PAQR3: variants seen among roughly 807,000 people sequenced by gnomAD.
The protein encoded by PAQR3 is progestin and adipoQ receptor family member 3.
In PAQR3, 39 loss-of-function variants were observed where a neutral mutation model predicts 41.7. That is an observed-to-expected ratio of 0.93 (90% CI 0.72 to 1.22). The LOEUF is 1.22. Ranked by LOEUF, PAQR3 falls within the 50% of genes most tolerant of loss-of-function variation. The probability of loss-of-function intolerance (pLI) is 0.00; values close to 1 mark genes in which losing one functional copy is unlikely to be tolerated. For synonymous variants in PAQR3, 140 were observed against 140.6 expected (o/e 1.00, Z 0.03); for missense variants, 366 against 385.6 (o/e 0.95, Z 0.42).
chr4:78,933,867 A>AG (rs932494958), intron 2 of PAQR3, among the ~76,000 whole-genome samples: 1 of 152,232 alleles, frequency 6.6e-6, no homozygotes, highest in African/African-American at 2.4e-5. Context: ...GAATAGGCCT[A>AG]GGGATGGAGG....
chr4:78,909,055 CTTTTT>C (rs1053664659), downstream of PAQR3, among the ~76,000 whole-genome samples: 2 of 94,394 alleles, frequency 2.1e-5, no homozygotes, highest in Non-Finnish European at 3.9e-5. Context: ...TTCCCTTAGT[CTTTTT>C]TTTTTTTTTT....
At chr4:78,926,480 G>GAA (rs762890211) in intron 4 of PAQR3, 41 bp downstream of exon 4, 52 of 1,123,734 alleles carry the variant, frequency 4.6e-5, no homozygotes, top group Non-Finnish European at 5.2e-5. Context: ...AAATTGAAAG[G>GAA]AAAAAAAAAA....
chr4:78,897,183 A>C (rs1192902805), intron 11 of PAQR3, among the ~76,000 whole-genome samples: 5 of 145,454 alleles, frequency 3.4e-5, no homozygotes, highest in Non-Finnish European at 7.4e-5. Flanking sequence ...CAGCTTAAGA[A>C]AATGTTTTTT....
intron 11 of PAQR3, among the ~76,000 whole-genome samples, chr4:78,902,794 A>C: frequency 6.6e-6 from 1 of 152,162 alleles, no homozygotes; most frequent in Non-Finnish European, 1.5e-5. Flanking sequence ...TAATATGCAT[A>C]GTATGATGCA....
downstream of PAQR3, chr4:78,910,706 A>T: frequency 6.2e-7 from 1 of 1,613,142 alleles, no homozygotes; most frequent in Non-Finnish European, 8.5e-7. Context: ...GCATCTAAAG[A>T]TCAGCGGACT....
In PAQR3 at chr4:78,926,590, C is replaced by T. The variant is rs371480289; in HGVS notation, c.633G>A (p.Ser211=). ...GAAGAGTAGGAATCACTCCATATCC[C>T]GAAACAGAACAAAAGATGATAGAAC... is the stretch of plus-strand genomic sequence containing the variant. ...RLRSIIFCSV[S]GYGVIPTLHW... The change falls in exon 4 of 6, where the codon TCG becomes TCA. Residue 211 remains serine (S), a synonymous_variant. Transcript: ENST00000512733. 1 of 1,613,804 alleles carries T rather than the reference C, an allele frequency of 6.2e-7. No individual in the cohort carries two copies. Among genetic ancestry groups the T allele is most frequent in the African/African-American group, 1.3e-5 (1 of 74,876 alleles).
intron 1 of PAQR3, among the ~76,000 whole-genome samples, chr4:78,938,758 C>A (rs761721353): frequency 2.0e-5 from 3 of 151,886 alleles, no homozygotes; most frequent in Non-Finnish European, 4.4e-5. Context: ...ATGAGCCGAA[C>A]AAACCGAATA....
exon 13 of PAQR3, chr4:78,887,249 A>T (rs1162798588): frequency 6.2e-7 from 1 of 1,610,950 alleles, no homozygotes; most frequent in South Asian, 1.1e-5. Flanking sequence ...CCTCCAGAAG[A>T]TCCTTTTGGT....
chr4:78,896,201 G>C (rs998222576), intron 11 of PAQR3, among the ~76,000 whole-genome samples: 1 of 152,142 alleles, frequency 6.6e-6, no homozygotes, highest in Non-Finnish European at 1.5e-5. Context: ...TACTGTCACT[G>C]CCAGAGATGG....
intron 3 of PAQR3, among the ~76,000 whole-genome samples, chr4:78,928,102 T>G (rs553555534): frequency 1.4e-4 from 21 of 152,340 alleles, no homozygotes; most frequent in African/African-American, 5.1e-4. Flanking sequence ...GGACTTTTAG[T>G]TTTTCTGGTA....
chr4:78,922,774 G>C, intron 5 of PAQR3: 1 of 380,130 alleles, frequency 2.6e-6, no homozygotes, highest in Non-Finnish European at 5.2e-6. Flanking sequence ...GGAAAAAAAA[G>C]TATTTCCATG....
At position 78,939,172 on chromosome 4, in the gene PAQR3, T is replaced by C. The variant is rs760348137; in HGVS notation, c.53A>G (p.Gln18Arg). Residue 18 changes from glutamine (Q) to arginine (R), a missense_variant, in exon 1 of 6, where the codon CAG (glutamine) becomes CGG (arginine). Coordinates refer to ENST00000512733, the MANE Select transcript of PAQR3 (RefSeq NM_001040202.2). Reference protein sequence around the residue: ...SAHYIELGSYQYWPVLVPRGI... With the variant: ...SAHYIELGSYRYWPVLVPRGI... ...ACGGGGCACCAGGACCGGCCAGTAC[T>C]GGTAGCTGCCCAGCTCGATGTAATG... The C allele has an allele frequency of 1.9e-6, 3 of 1,612,190 alleles. No homozygotes were observed. Among genetic ancestry groups the C allele is most frequent in the Admixed American group, 3.3e-5 (2 of 59,750 alleles).
intron 1 of PAQR3, among the ~76,000 whole-genome samples, chr4:78,935,657 A>G (rs2110173490): frequency 1.3e-5 from 2 of 152,328 alleles, no homozygotes; most frequent in Middle Eastern, 6.8e-3. Flanking sequence ...TATAGACTAA[A>G]GGTCTCCAGA....
Position 78,913,412 on chromosome 4 carries a change from GAATT to G in PAQR3, c.*7123_*7126del, listed in dbSNP as rs1014576862. The G allele has an allele frequency of 1.3e-5, 2 of 152,114 alleles. No homozygotes were observed. The highest frequency in any genetic ancestry group is 2.9e-5 in the Non-Finnish European group (2 of 67,990). The allele number at this position is 152,114 out of a possible 1,614,324, so 9.4% of individuals were successfully genotyped here. On this transcript the variant is annotated 3_prime_UTR_variant, in exon 6 of 6. Transcript: ENST00000512733. ...ATTTAATGATAGAGATTACATATGT[GAATT>G]AATGTGAATATAGTATCTGTGCTTC... is the stretch of plus-strand genomic sequence containing the variant.
Position 78,920,439 on chromosome 4 carries a change from G to A in PAQR3, c.*100C>T. On this transcript the variant is annotated 3_prime_UTR_variant, in exon 6 of 6. Transcript: ENST00000512733. The stretch of plus-strand genomic sequence containing the variant: ...ATAAAGCATTACTCATATTAAAAAG[G>A]AAAAAGGGAAAACTAATGGGAATCT... 7.1e-7 allele frequency: 1 copy of A among 1,403,874 alleles called. No individual in the cohort carries two copies. 87.0% of individuals were successfully genotyped at this position (1,403,874 alleles called of 1,614,324 possible).
intron 3 of PAQR3, among the ~76,000 whole-genome samples, chr4:78,928,737 G>A (rs74477789): frequency 3.9e-4 from 59 of 152,266 alleles, no homozygotes; most frequent in African/African-American, 1.4e-3. Flanking sequence ...AGGCAGAGAT[G>A]GTTTCGGGAT....
At chr4:78,909,682 C>T (rs940975849), downstream of PAQR3, among the ~76,000 whole-genome samples, 3 of 152,202 alleles carry the variant, frequency 2.0e-5, no homozygotes, top group African/African-American at 7.2e-5. Context: ...TAACTGTCGT[C>T]TCCTTAGGGA....
intron 2 of PAQR3, chr4:78,930,533 TG>T: frequency 2.7e-6 from 1 of 374,260 alleles, no homozygotes; most frequent in Non-Finnish European, 4.7e-6. Context: ...AGTTCCCTCA[TG>T]GGTAAAATGT....
At chr4:78,890,477 TC>T in intron 11 of PAQR3, among the ~76,000 whole-genome samples, 1 of 152,238 alleles carries the variant, frequency 6.6e-6, no homozygotes, top group Middle Eastern at 3.4e-3. Context: ...TTTGGTTGAT[TC>T]AGTGTTCAGT....
Sources: gnomAD v4.1 joint callset for allele counts (sites outside exome capture counted in the v4.1 genomes callset) on GRCh38, gnomAD v4.1.1 for gene constraint, MANE v1.5 for transcripts, NCBI Gene and HGNC (gene_info 2026-07-23, HGNC 2026-07-21) for gene names.